The following CCDC125 variants were observed in gnomAD, a reference collection of about 807,000 sequenced individuals.
The protein encoded by CCDC125 is coiled-coil domain containing 125.
CCDC125 carries 43 observed loss-of-function variants against 57.4 expected under a neutral mutation model. The ratio of observed to expected loss-of-function variants is 0.75; its 90% CI spans 0.59 to 0.97. The LOEUF is 0.97. CCDC125 is among the 50% of genes least tolerant of loss of function. CCDC125 has a pLI of 0.00. For synonymous variants in CCDC125, 187 were observed against 195.2 expected, an observed-to-expected ratio of 0.96 and a Z score of 0.35; for missense variants, 563 against 595.7, an observed-to-expected ratio of 0.95 and a Z score of 0.57.
rs184290407 is a variant in CCDC125, at chr5:69,281,592, C to G, written c.*1137G>C. ...CGGCACTGACTCAATATACTTCTGCCAAGGTCCCACCATCAAAACTGTCTT... is the reference window on the plus strand; with the variant it reads ...CGGCACTGACTCAATATACTTCTGCGAAGGTCCCACCATCAAAACTGTCTT... On this transcript the variant is annotated 3_prime_UTR_variant, in exon 12 of 12. Transcript: ENST00000396496. The G allele has an allele frequency of 2.8e-4, 42 of 152,236 alleles. No homozygotes were observed. Among genetic ancestry groups the G allele is most frequent in the African/African-American group, 1.0e-3 (42 of 41,542 alleles). The allele number at this position is 152,236 out of a possible 1,614,324, so 9.4% of individuals were successfully genotyped here.
intron 1 of CCDC125, among the ~76,000 whole-genome samples, chr5:69,329,820 A>C (rs1258234467): frequency 6.6e-6 from 1 of 151,954 alleles, no homozygotes; most frequent in Non-Finnish European, 1.5e-5. Flanking sequence ...ATTTTTTTCT[A>C]TTCCAGCCCA....
At chr5:69,286,300 C>T (rs1224834426) in intron 10 of CCDC125, among the ~76,000 whole-genome samples, 3 of 143,472 alleles carry the variant, frequency 2.1e-5, no homozygotes, top group East Asian at 4.1e-4. Context: ...GGCGCAATCT[C>T]GGCTCACTGC....
chr5:69,277,202 T>A, downstream of CCDC125: 2 of 1,192,112 alleles, frequency 1.7e-6, no homozygotes, highest in Non-Finnish European at 2.4e-6. Flanking sequence ...GGAAAAATAG[T>A]AAACATTAAG....
chr5:69,294,612 G>GT (rs897212676), intron 9 of CCDC125, among the ~76,000 whole-genome samples, 181 bp downstream of exon 9: 41 of 152,258 alleles, frequency 2.7e-4, no homozygotes, highest in African/African-American at 9.6e-4. Flanking sequence ...ATTAATATTT[G>GT]TATTTTGGAA....
chr5:69,279,285 C>T (rs1752352619), downstream of CCDC125, among the ~76,000 whole-genome samples: 2 of 151,420 alleles, frequency 1.3e-5, no homozygotes, highest in Non-Finnish European at 2.9e-5. Flanking sequence ...GCAACCTCCG[C>T]CCACTGGGTT....
chr5:69,294,709 GTTAA>G lies in CCDC125; in HGVS notation c.924+80_924+83del, dbSNP rs1755039178. The G allele has an allele frequency of 3.9e-6, 4 of 1,018,862 alleles. No individual in the cohort carries two copies. In the South Asian group the frequency reaches 5.7e-5, roughly 15 times the overall value. The allele number at this position is 1,018,862 out of a possible 1,614,324, so 63.1% of individuals were successfully genotyped here. A position where few individuals can be genotyped will look rare whatever the true frequency, so the allele number is the denominator to read the frequency against. Reference sequence around the variant, plus strand: ...CATAGGCAATAACTACTAAAATGAAGTTAATTATTGCAAACATTTCCATTTATTC... The same window carrying G: ...CATAGGCAATAACTACTAAAATGAAGTTATTGCAAACATTTCCATTTATTC... On this transcript the variant is annotated intron_variant, in intron 9 of 11. Transcript: ENST00000396496.
Position 69,285,394 on chromosome 5 carries a change from A to G in CCDC125, c.1173T>C (p.Ser391=). Residue 391 remains serine, a synonymous_variant, in exon 11 of 12, where the codon TCT becomes TCC. Transcript: ENST00000396496. The part of the protein sequence containing the change: ...LLGMLPSENS[S]KRMEDQDSPQ... ...GACTGTCCTGGTCTTCCATCCTCTTAGAACTGTTTTCTGAAGGGAGCATAC... is the reference window on the plus strand; with the variant it reads ...GACTGTCCTGGTCTTCCATCCTCTTGGAACTGTTTTCTGAAGGGAGCATAC... 1 of 1,612,574 alleles carries G rather than the reference A, an allele frequency of 6.2e-7. No individual in the cohort carries two copies. The highest frequency in any genetic ancestry group is 8.5e-7 in the Non-Finnish European group (1 of 1,179,452).
intron 1 of CCDC125, 88 bp downstream of exon 1, chr5:69,332,561 T>C (rs1761544340): frequency 6.6e-6 from 1 of 152,194 alleles, no homozygotes; most frequent in South Asian, 2.1e-4. Context: ...GGGAAAAGGA[T>C]TTGGGCAGTT....
intron 8 of CCDC125, among the ~76,000 whole-genome samples, chr5:69,299,199 T>G (rs1755928838): frequency 6.6e-6 from 1 of 151,096 alleles, no homozygotes; most frequent in Non-Finnish European, 1.5e-5. Flanking sequence ...AAGCTCCGCC[T>G]CCTGGGTTCA....
At chr5:69,293,296 C>T (rs948344354) in intron 9 of CCDC125, among the ~76,000 whole-genome samples, 7 of 151,984 alleles carry the variant, frequency 4.6e-5, no homozygotes, top group African/African-American at 1.7e-4. Flanking sequence ...AACCCATTGC[C>T]CCCTCATGCT....
downstream of CCDC125, among the ~76,000 whole-genome samples, chr5:69,278,203 C>G (rs956878486): frequency 1.2e-5 from 1 of 83,548 alleles, no homozygotes; most frequent in Non-Finnish European, 2.3e-5. Flanking sequence ...CTTAAAAATT[C>G]ACTTTATTTT....
At chr5:69,286,271 A>T (rs12652119) in intron 10 of CCDC125, among the ~76,000 whole-genome samples, 1 of 129,860 alleles carries the variant, frequency 7.7e-6, no homozygotes, top group Non-Finnish European at 1.6e-5. Flanking sequence ...TTGTTCTGTC[A>T]CCCAGGCTGG....
At chr5:69,294,195 T>C in intron 9 of CCDC125, 1 of 914,400 alleles carries the variant, frequency 1.1e-6, no homozygotes, top group South Asian at 5.0e-5. Context: ...ATTTTCCTTC[T>C]ATTATATAGT....
Position 69,281,358 on chromosome 5 carries a change from A to G in CCDC125, c.*1371T>C, listed in dbSNP as rs1362498039. ...ACACACCCCACCCCCACACACCCCA[A>G]TTCACATACCACAAACAAAAAAACT... is the stretch of plus-strand genomic sequence containing the variant. On this transcript the variant is annotated 3_prime_UTR_variant, in exon 12 of 12. Coordinates refer to ENST00000396496, the MANE Select transcript of CCDC125 (RefSeq NM_176816.5). 6.6e-6 allele frequency: 1 copy of G among 152,034 alleles called. No individual in the cohort carries two copies. The highest frequency in any genetic ancestry group is 6.6e-5 in the Admixed American group (1 of 15,238). The allele number at this position is 152,034 out of a possible 1,614,324, so 9.4% of individuals were successfully genotyped here. A position where few individuals can be genotyped will look rare whatever the true frequency, so the allele number is the denominator to read the frequency against.
chr5:69,306,859 C>G lies in CCDC125; in HGVS notation c.575G>C (p.Arg192Thr), dbSNP rs558236427. 1 of 1,523,726 alleles carries G rather than the reference C, an allele frequency of 6.6e-7. No homozygotes were observed. Among genetic ancestry groups the G allele is most frequent in the Admixed American group, 2.2e-5 (1 of 44,944 alleles). 94.4% of individuals were successfully genotyped at this position (1,523,726 alleles called of 1,614,324 possible). Residue 192 changes from arginine to threonine, a missense_variant, in exon 6 of 12, where the codon AGA becomes ACA. Arg to Thr is a moderately conservative substitution (Grantham distance 71). Coordinates refer to ENST00000396496, the MANE Select transcript of CCDC125 (RefSeq NM_176816.5). Reference sequence around the variant, plus strand: ...CCAAGATTCCTCTATATTTTTAAATCTATTATGATCAAATTCTATTTCCCA... The same window carrying G: ...CCAAGATTCCTCTATATTTTTAAATGTATTATGATCAAATTCTATTTCCCA... ...LQWEIEFDHN[R>T]FKNIEESWIQ...
intron 2 of CCDC125, among the ~76,000 whole-genome samples, 192 bp downstream of exon 2, chr5:69,320,045 C>CG (rs905697025): frequency 1.3e-5 from 2 of 151,934 alleles, no homozygotes; most frequent in African/African-American, 2.4e-5. Context: ...CGCTTGAACC[C>CG]GGGGGGTGGA....
At chr5:69,318,665 A>G (rs1015591695) in intron 2 of CCDC125, among the ~76,000 whole-genome samples, 2 of 151,826 alleles carry the variant, frequency 1.3e-5, no homozygotes, top group African/African-American at 4.8e-5. Flanking sequence ...AGGCAGTAGA[A>G]TACCTTGAAC....
chr5:69,311,684 C>T (rs1031605502), intron 3 of CCDC125, among the ~76,000 whole-genome samples: 2 of 151,166 alleles, frequency 1.3e-5, no homozygotes, highest in African/African-American at 4.9e-5. Context: ...GGCATGGTGG[C>T]TCACACCTGT....
rs548658711 is a variant in CCDC125, at chr5:69,303,200, GT to G, written c.700+646del. ...ACATCTGGCTAATTTTGGTTTTTCTGTTGTTGTTGTTGTTTGTTTGTTTGTT... is the reference window on the plus strand; with the variant it reads ...ACATCTGGCTAATTTTGGTTTTTCTGTGTTGTTGTTGTTTGTTTGTTTGTT... On this transcript the variant is annotated intron_variant, in intron 7 of 11. Transcript: ENST00000396496. Among the ~76,000 whole-genome samples the G allele has an allele frequency of 3.0e-3, 462 of 151,742 alleles. 2 individuals carry two copies. Among genetic ancestry groups the G allele is most frequent in the Non-Finnish European group, 5.3e-3 (358 of 67,862 alleles).
Sources: gnomAD v4.1 joint callset for allele counts (sites outside exome capture counted in the v4.1 genomes callset) on GRCh38, gnomAD v4.1.1 for gene constraint, MANE v1.5 for transcripts, NCBI Gene and HGNC (gene_info 2026-07-23, HGNC 2026-07-21) for gene names.